The following TMEM163 variants were observed in gnomAD, a reference collection of about 807,000 sequenced individuals.
TMEM163 encodes transmembrane protein 163.
A neutral mutation model predicts 29.3 loss-of-function variants in TMEM163; 17 were observed. That is an observed-to-expected ratio of 0.58 (90% confidence interval 0.40 to 0.87). The LOEUF (loss-of-function observed/expected upper bound fraction) is 0.87, where lower values mean the gene tolerates loss of function less well. TMEM163 is among the 40% of genes least tolerant of loss of function. TMEM163 has a pLI of 0.00. For missense variants in TMEM163, 303 were observed against 381.5 expected (o/e 0.79, Z 1.71); for synonymous variants, 157 against 160.6 (o/e 0.98, Z 0.17).
chr2:134,619,979 T>A (rs1386053488), intron 2 of TMEM163, among the ~76,000 whole-genome samples: 1 of 152,146 alleles, frequency 6.6e-6, no homozygotes, highest in Non-Finnish European at 1.5e-5. Flanking sequence ...ATTAATAAAG[T>A]GTAAGACTCG....
intron 2 of TMEM163, among the ~76,000 whole-genome samples, chr2:134,619,721 T>C (rs1682686289): frequency 6.6e-6 from 1 of 152,148 alleles, no homozygotes; most frequent in Non-Finnish European, 1.5e-5. Context: ...CAATGTAATA[T>C]GGTAAGCAAA....
chr2:134,477,161 C>T (rs1686935189), intron 5 of TMEM163, among the ~76,000 whole-genome samples: 1 of 152,160 alleles, frequency 6.6e-6, no homozygotes, highest in Admixed American at 6.5e-5. Flanking sequence ...TTGTCCGGCA[C>T]GTGTCCAGTG....
intron 2 of TMEM163, among the ~76,000 whole-genome samples, chr2:134,632,104 A>G (rs1574295014): frequency 6.6e-6 from 1 of 152,232 alleles, no homozygotes; most frequent in African/African-American, 2.4e-5. Context: ...ATAGCCCTTG[A>G]AAAGGGCTTT....
intron 2 of TMEM163, among the ~76,000 whole-genome samples, chr2:134,591,634 C>T (rs73958767): frequency 0.088 from 13,376 of 152,126 alleles, 667 homozygotes; most frequent in South Asian, 0.16. Flanking sequence ...AGTTCCCACT[C>T]AATGCTTCCA....
intron 4 of TMEM163, 23 bp from the exon 5 acceptor site, chr2:134,503,020 A>T: frequency 6.3e-7 from 1 of 1,596,826 alleles, no homozygotes; most frequent in East Asian, 2.3e-5. Context: ...AAACATTGAG[A>T]ATCTTAACTG....
At chr2:134,557,541 C>T (rs1194593934) in intron 2 of TMEM163, among the ~76,000 whole-genome samples, 2 of 152,114 alleles carry the variant, frequency 1.3e-5, no homozygotes, top group African/African-American at 2.4e-5. Context: ...TCGTTCTGTT[C>T]GGAAAGCAGG....
chr2:134,501,858 T>C (rs1353305984), intron 5 of TMEM163, among the ~76,000 whole-genome samples: 2 of 152,214 alleles, frequency 1.3e-5, no homozygotes, highest in African/African-American at 2.4e-5. Context: ...GTCACTGAGA[T>C]GTTAGAGAGT....
At chr2:134,668,068 AG>A (rs1391641715) in intron 2 of TMEM163, among the ~76,000 whole-genome samples, 4 of 152,216 alleles carry the variant, frequency 2.6e-5, no homozygotes, top group South Asian at 2.1e-4. Flanking sequence ...ACTAAGGCTG[AG>A]GGACTTGGAT....
At chr2:134,678,260 G>A (rs940526399) in intron 2 of TMEM163, among the ~76,000 whole-genome samples, 9 of 152,322 alleles carry the variant, frequency 5.9e-5, no homozygotes, top group South Asian at 4.1e-4. Context: ...CGAGGGGTGC[G>A]AGCGCCAGGA....
intron 4 of TMEM163, among the ~76,000 whole-genome samples, chr2:134,540,639 G>A (rs1680644058): frequency 6.6e-6 from 1 of 152,216 alleles, no homozygotes; most frequent in South Asian, 2.1e-4. Flanking sequence ...GCAAATTTCA[G>A]AGCAAGCAAG....
intron 2 of TMEM163, among the ~76,000 whole-genome samples, chr2:134,638,414 C>A (rs1458411270): frequency 6.6e-6 from 1 of 152,154 alleles, no homozygotes; most frequent in African/African-American, 2.4e-5. Flanking sequence ...TCATTGAAAG[C>A]TCCTGAATGA....
chr2:134,550,379 T>G (rs936319671), intron 4 of TMEM163, among the ~76,000 whole-genome samples, 191 bp downstream of exon 4: 1 of 152,136 alleles, frequency 6.6e-6, no homozygotes. Context: ...AGGTACATCC[T>G]CTCTCTCTGA....
intron 2 of TMEM163, among the ~76,000 whole-genome samples, chr2:134,613,143 C>T (rs907065073): frequency 6.6e-6 from 1 of 152,114 alleles, no homozygotes; most frequent in South Asian, 2.1e-4. Context: ...ACAGCAGGTG[C>T]TTAACACCAG....
chr2:134,507,061 G>A (rs1279677257), intron 4 of TMEM163, among the ~76,000 whole-genome samples: 1 of 152,142 alleles, frequency 6.6e-6, no homozygotes, highest in Non-Finnish European at 1.5e-5. Flanking sequence ...TCCCGGCCGG[G>A]TGCAGTGACT....
At chr2:134,504,514 C>T (rs1437179610) in intron 4 of TMEM163, among the ~76,000 whole-genome samples, 2 of 151,926 alleles carry the variant, frequency 1.3e-5, no homozygotes, top group African/African-American at 4.8e-5. Context: ...AAAGTCCGCA[C>T]AATTGACAGT....
chr2:134,492,876 G>A (rs1386445818), intron 5 of TMEM163, among the ~76,000 whole-genome samples: 4 of 152,158 alleles, frequency 2.6e-5, no homozygotes, highest in African/African-American at 9.7e-5. Context: ...AGGTTGGATG[G>A]CTAGTTCCTA....
At chr2:134,470,450 T>C (rs1316294698) in intron 5 of TMEM163, among the ~76,000 whole-genome samples, 2 of 152,136 alleles carry the variant, frequency 1.3e-5, no homozygotes, top group Non-Finnish European at 2.9e-5. Context: ...GAAGCTAAGT[T>C]TTTTAATGTA....
intron 4 of TMEM163, among the ~76,000 whole-genome samples, chr2:134,517,119 C>CT (rs1414009602): frequency 6.6e-6 from 1 of 151,618 alleles, no homozygotes; most frequent in African/African-American, 2.4e-5. Flanking sequence ...TCATTGGGAC[C>CT]TCTGGTAAAA....
At chr2:134,593,793 G>A (rs1681994439) in intron 2 of TMEM163, among the ~76,000 whole-genome samples, 1 of 150,974 alleles carries the variant, frequency 6.6e-6, no homozygotes, top group Admixed American at 6.6e-5. Context: ...TGAAGACTAC[G>A]ACACTGACTC....
Sources: gnomAD v4.1 joint callset for allele counts (sites outside exome capture counted in the v4.1 genomes callset) on GRCh38, gnomAD v4.1.1 for gene constraint, MANE v1.5 for transcripts, NCBI Gene and HGNC (gene_info 2026-07-23, HGNC 2026-07-21) for gene names.